CTNNA2: variants seen among roughly 807,000 people sequenced by gnomAD.
CTNNA2 encodes catenin alpha-2.
Under a neutral mutation model 101.0 loss-of-function variants are expected in CTNNA2, and 42 were observed. The ratio of observed to expected loss-of-function variants is 0.42; its 90% CI spans 0.32 to 0.54. CTNNA2 has a LOEUF of 0.54. Among genes scored for constraint, CTNNA2 ranks in the 20% least tolerant of loss-of-function variants. The pLI is 0.14. For missense variants in CTNNA2, 871 were observed against 1,223.1 expected, an observed-to-expected ratio of 0.71 and a Z score of 4.29; for synonymous variants, 450 against 456.4, an observed-to-expected ratio of 0.99 and a Z score of 0.18.
At chr2:80,032,076 C>T (rs1236094057) in intron 7 of CTNNA2, among the ~76,000 whole-genome samples, 1 of 152,124 alleles carries the variant, frequency 6.6e-6, no homozygotes, top group African/African-American at 2.4e-5. Context: ...AAACCCTTTT[C>T]CTTGATACTC....
rs547794776 is a variant in CTNNA2, at chr2:79,824,146, C to T, written c.299-33867C>T. On this transcript the variant is annotated intron_variant, in intron 3 of 18. Transcript: ENST00000402739. Reference sequence around the variant, plus strand: ...GCTTCAACTTTTGAACATCTGAGAGCCCAAATAATGGTGAGTATATCAGAT... The same window carrying T: ...GCTTCAACTTTTGAACATCTGAGAGTCCAAATAATGGTGAGTATATCAGAT... Among the ~76,000 whole-genome samples the T allele has an allele frequency of 2.6e-5, 4 of 152,212 alleles. No homozygotes were observed. The East Asian group carries it at 7.7e-4, about 29-fold the overall frequency.
At chr2:80,512,928 C>A (rs1199368748) in intron 9 of CTNNA2, among the ~76,000 whole-genome samples, 4 of 151,598 alleles carry the variant, frequency 2.6e-5, no homozygotes, top group Non-Finnish European at 5.9e-5. Context: ...AATTTTTGTC[C>A]CTTTGAAAAT....
intron 7 of CTNNA2, among the ~76,000 whole-genome samples, chr2:80,339,772 G>A (rs2149276244): frequency 6.6e-6 from 1 of 152,300 alleles, no homozygotes; most frequent in African/African-American, 2.4e-5. Flanking sequence ...TTTATTAACA[G>A]TTAGGACTAG....
chr2:79,538,787 A>G (rs1344516603), intron 1 of CTNNA2, among the ~76,000 whole-genome samples: 1 of 152,136 alleles, frequency 6.6e-6, no homozygotes, highest in East Asian at 1.9e-4. Context: ...TTTGAGCTTT[A>G]TTTCTATTCC....
chr2:79,944,816 C>A (rs896098727), intron 7 of CTNNA2, among the ~76,000 whole-genome samples: 2 of 152,170 alleles, frequency 1.3e-5, no homozygotes, highest in African/African-American at 4.8e-5. Context: ...CAGTGTCCTC[C>A]ATACACAATG....
chr2:79,425,604 G>A (rs1678584267), intron 4 of CTNNA2, among the ~76,000 whole-genome samples: 1 of 152,034 alleles, frequency 6.6e-6, no homozygotes, highest in African/African-American at 2.4e-5. Flanking sequence ...CATTCACAAG[G>A]GAGAAGCCCT....
At chr2:80,062,806 C>T (rs562455027) in intron 7 of CTNNA2, among the ~76,000 whole-genome samples, 10 of 151,174 alleles carry the variant, frequency 6.6e-5, no homozygotes, top group South Asian at 4.2e-4. Flanking sequence ...GCCATGTTCA[C>T]GCCATTCTCC....
intron 2 of CTNNA2, among the ~76,000 whole-genome samples, chr2:79,274,575 A>T (rs1675165616): frequency 6.6e-6 from 1 of 152,214 alleles, no homozygotes; most frequent in African/African-American, 2.4e-5. Context: ...ATATCATTCA[A>T]GTATTTTTTG....
At chr2:79,263,887 T>C (rs1674954716) in intron 2 of CTNNA2, among the ~76,000 whole-genome samples, 1 of 152,190 alleles carries the variant, frequency 6.6e-6, no homozygotes, top group African/African-American at 2.4e-5. Context: ...CAGTCTGTGG[T>C]ATTCTATTAT....
Position 80,647,780 on chromosome 2 carries a change from G to C in CTNNA2, c.2770G>C (p.Glu924Gln), listed in dbSNP as rs772342467. 2 of 1,613,476 alleles carry C rather than the reference G, an allele frequency of 1.2e-6. No homozygotes were observed. The highest frequency in any genetic ancestry group is 2.2e-5 in the South Asian group (2 of 91,060). Residue 924 changes from glutamate to glutamine, a missense_variant, in exon 19 of 19, where the codon GAA becomes CAA. By Grantham distance (29) the Glu-to-Gln change is conservative (BLOSUM62 2). Around this residue, in one of 5 missense-constraint regions of CTNNA2, gnomAD observed 41 missense variants for 45.1 expected, o/e 0.91. Coordinates refer to ENST00000402739, the MANE Select transcript of CTNNA2 (RefSeq NM_001282597.3). ...CCTTGTGAAGAGAGAAAAGCCTGAA[G>C]AATTCCAGACACGAGTTCGACGAGG... Reference protein sequence around the residue: ...KPLVKREKPEEFQTRVRRGSQ... With the variant: ...KPLVKREKPEQFQTRVRRGSQ...
intron 7 of CTNNA2, among the ~76,000 whole-genome samples, chr2:80,368,859 G>GTGTT (rs1675186367): frequency 7.6e-6 from 1 of 131,554 alleles, no homozygotes; most frequent in African/African-American, 3.4e-5. Context: ...GTGTGTGTGT[G>GTGTT]TGTGTGTGTA....
At chr2:79,451,066 T>C (rs1670742919) in intron 4 of CTNNA2, among the ~76,000 whole-genome samples, 1 of 152,070 alleles carries the variant, frequency 6.6e-6, no homozygotes, top group Middle Eastern at 3.2e-3. Context: ...GAGTAGTATG[T>C]AAAAACCCAC....
At chr2:79,648,761 T>A (rs1007502038) in intron 1 of CTNNA2, among the ~76,000 whole-genome samples, 10 of 152,150 alleles carry the variant, frequency 6.6e-5, no homozygotes, top group Admixed American at 2.0e-4. Flanking sequence ...TCATTGCTAA[T>A]GTGGTTAGTA....
intron 1 of CTNNA2, among the ~76,000 whole-genome samples, chr2:79,599,923 G>A (rs1283655633): frequency 6.6e-6 from 1 of 152,156 alleles, no homozygotes; most frequent in Non-Finnish European, 1.5e-5. Flanking sequence ...AGCAACAGAA[G>A]AATTTAGGTC....
chr2:80,046,321 T>C (rs1696521126), intron 7 of CTNNA2, among the ~76,000 whole-genome samples: 1 of 152,112 alleles, frequency 6.6e-6, no homozygotes, highest in African/African-American at 2.4e-5. Context: ...AATGCCTTTA[T>C]TAACTCACTC....
At chr2:80,619,287 A>AG (rs1699111020) in intron 18 of CTNNA2, 59 bp downstream of exon 18, 2 of 1,391,838 alleles carry the variant, frequency 1.4e-6, no homozygotes. Flanking sequence ...TTCTGAAGGC[A>AG]GGGGGGATTG....
At chr2:79,299,443 C>A (rs981047254) in intron 2 of CTNNA2, among the ~76,000 whole-genome samples, 3 of 152,200 alleles carry the variant, frequency 2.0e-5, no homozygotes, top group South Asian at 2.1e-4. Context: ...GAGGACTCAA[C>A]AAGCATTGTA....
At chr2:80,441,798 A>G (rs2149442918) in intron 9 of CTNNA2, among the ~76,000 whole-genome samples, 1 of 152,334 alleles carries the variant, frequency 6.6e-6, no homozygotes, top group East Asian at 1.9e-4. Flanking sequence ...AAGATTAGGT[A>G]AAATAGGAGA....
chr2:79,698,843 C>A (rs6547260), intron 2 of CTNNA2, among the ~76,000 whole-genome samples: 19,373 of 151,988 alleles, frequency 0.13, 1,551 homozygotes, highest in East Asian at 0.46. Context: ...AAATTAAGAT[C>A]AGATTGGCTA....
Sources: allele counts gnomAD v4.1 joint callset (sites outside exome capture counted in the v4.1 genomes callset), GRCh38; gene constraint gnomAD v4.1.1; regional missense constraint gnomAD v4.1.1; transcripts MANE v1.5; gene names NCBI Gene and HGNC (gene_info 2026-07-23, HGNC 2026-07-21).